The following SETD5 variants were observed in gnomAD, a reference collection of about 807,000 sequenced individuals.
SETD5 encodes histone-lysine N-methyltransferase SETD5.
Under a neutral mutation model 153.3 loss-of-function variants are expected in SETD5, and 44 were observed. The ratio of observed to expected loss-of-function variants is 0.29; its 90% CI spans 0.23 to 0.37. The LOEUF is 0.37. Ranked by LOEUF, SETD5 falls within the 10% of genes least tolerant of loss-of-function variation. The probability of loss-of-function intolerance (pLI) is 1.00; values close to 1 mark genes in which losing one functional copy is unlikely to be tolerated. For missense variants in SETD5, 1,544 were observed against 1,768.0 expected (o/e 0.87, Z 2.27); for synonymous variants, 716 against 645.2 (o/e 1.11, Z -1.66).
At chr3:9,470,375 C>G in intron 18 of SETD5, 84 bp from the exon 19 acceptor site, 1 of 978,966 alleles carries the variant, frequency 1.0e-6, no homozygotes, top group Non-Finnish European at 1.6e-6. Context: ...CCCTGTTCAC[C>G]TGTGTCCCTC....
At chr3:9,453,522 C>T (rs367693924) in intron 16 of SETD5, among the ~76,000 whole-genome samples, 6 of 152,122 alleles carry the variant, frequency 3.9e-5, no homozygotes, top group Middle Eastern at 3.2e-3. Flanking sequence ...GATGGGATCT[C>T]ATTATATGTA....
Position 9,440,786 on chromosome 3 carries a change from CCAAA to C in SETD5, c.810+89_810+92del, listed in dbSNP as rs1426221721. 2.1e-6 allele frequency: 3 copies of C among 1,455,254 alleles called. No homozygotes were observed. The East Asian group carries it at 7.3e-5, about 35-fold the overall frequency. 90.1% of individuals were successfully genotyped at this position (1,455,254 alleles called of 1,614,324 possible). On this transcript the variant is annotated intron_variant, in intron 8 of 22. Transcript: ENST00000402198. ...TAATGGATTGGAATTACTGTTCCTT[CCAAA>C]TGTACAAGGCCATGGAATAACAGAT...
chr3:9,398,093 C>T (rs1302058411), intron 1 of SETD5, 116 bp downstream of exon 1: 2 of 152,342 alleles, frequency 1.3e-5, no homozygotes, highest in African/African-American at 4.8e-5. Flanking sequence ...TGGCCCTCCC[C>T]AAGCTCTTAG....
Position 9,445,121 on chromosome 3 carries a change from A to G in SETD5, c.1261A>G (p.Thr421Ala), listed in dbSNP as rs775561026. ...CPIQKRNPNA[T>A]ELPLLPPPPS... is the part of the protein sequence containing the mutation. ...TATACAAAAAAGGAATCCTAATGCT[A>G]CAGAACTGCCACTCCTACCACCTCC... Residue 421 changes from threonine (T) to alanine (A), a missense_variant, in exon 12 of 23, where the codon ACA becomes GCA. Coordinates refer to ENST00000402198, the MANE Select transcript of SETD5 (RefSeq NM_001080517.3). 4 of 1,614,016 alleles carry G rather than the reference A, an allele frequency of 2.5e-6. No homozygotes were observed. Among genetic ancestry groups the G allele is most frequent in the African/African-American group, 1.3e-5 (1 of 75,060 alleles).
At chr3:9,462,243 C>T (rs1221744166) in intron 17 of SETD5, among the ~76,000 whole-genome samples, 2 of 152,158 alleles carry the variant, frequency 1.3e-5, no homozygotes, top group Admixed American at 6.5e-5. Flanking sequence ...AAATGTCACT[C>T]CTTCCATCCA....
At chr3:9,455,700 C>CA (rs747232887) in intron 17 of SETD5, among the ~76,000 whole-genome samples, 2 of 151,964 alleles carry the variant, frequency 1.3e-5, no homozygotes, top group Non-Finnish European at 2.9e-5. Context: ...AATAGACTAT[C>CA]ATGTTTGTGT....
intron 9 of SETD5, among the ~76,000 whole-genome samples, 167 bp downstream of exon 9, chr3:9,441,908 A>G (rs2041338868): frequency 6.6e-6 from 1 of 152,210 alleles, no homozygotes; most frequent in South Asian, 2.1e-4. Context: ...AAATCTTCAA[A>G]TTGTTCAATG....
rs914966303 is a variant in SETD5, at chr3:9,448,399, A to G, written c.2115A>G (p.Thr705=). ...KYPKTKKYLV[T]EWLNDKAEKQ... ...CTTTTTTACCTTAGTATCTAGTTAC[A>G]GAATGGTTGAATGACAAAGCAGAGA... Residue 705 remains threonine (T), a synonymous_variant, in exon 16 of 23, where the codon ACA becomes ACG. Transcript: ENST00000402198. The G allele has an allele frequency of 3.7e-6, 6 of 1,613,818 alleles. No homozygotes were observed. The African/African-American group carries it at 6.7e-5, about 18-fold the overall frequency.
At chr3:9,455,151 C>CCTTTTTTT (rs1290976457) in intron 17 of SETD5, among the ~76,000 whole-genome samples, 39 of 144,526 alleles carry the variant, frequency 2.7e-4, no homozygotes, top group African/African-American at 7.9e-4. Context: ...ACGTGAATTG[C>CCTTTTTTT]CTTTTTTTCT....
At chr3:9,468,432 C>T (rs2044887113) in intron 18 of SETD5, 1 of 1,202,478 alleles carries the variant, frequency 8.3e-7, no homozygotes, top group South Asian at 1.3e-5. Context: ...TTATGGCTAA[C>T]ATCTATGCTT....
intron 2 of SETD5, among the ~76,000 whole-genome samples, 192 bp from the exon 3 acceptor site, chr3:9,428,631 C>A (rs2039600813): frequency 6.6e-6 from 1 of 152,106 alleles, no homozygotes; most frequent in Non-Finnish European, 1.5e-5. Flanking sequence ...AACTTTTTGC[C>A]CCCTACTTTG....
chr3:9,447,426 G>A (rs1575468989), intron 14 of SETD5, 119 bp downstream of exon 14: 3 of 1,367,998 alleles, frequency 2.2e-6, no homozygotes, highest in South Asian at 1.4e-5. Context: ...AATAAATAAG[G>A]CCATTAACTG....
At chr3:9,466,551 C>G (rs955224341) in intron 18 of SETD5, among the ~76,000 whole-genome samples, 3 of 152,026 alleles carry the variant, frequency 2.0e-5, no homozygotes, top group African/African-American at 7.2e-5. Flanking sequence ...GTTTCACTTG[C>G]AATTTAAGGA....
chr3:9,399,299 TTTATA>T (rs1445426589), intron 1 of SETD5, among the ~76,000 whole-genome samples: 2 of 152,330 alleles, frequency 1.3e-5, no homozygotes. Flanking sequence ...GGTTGTTAAT[TTTATA>T]TTATTAATGT....
At chr3:9,407,348 A>G (rs1385797753) in intron 1 of SETD5, among the ~76,000 whole-genome samples, 1 of 152,110 alleles carries the variant, frequency 6.6e-6, no homozygotes, top group African/African-American at 2.4e-5. Context: ...AAAATAAAGA[A>G]GTTACTGTAG....
chr3:9,446,980 T>C, intron 13 of SETD5, 70 bp from the exon 14 acceptor site: 1 of 1,106,286 alleles, frequency 9.0e-7, no homozygotes, highest in Non-Finnish European at 1.3e-6. Context: ...CCATTAAAAA[T>C]ACTTTTATAA....
At chr3:9,407,311 G>C (rs2035857447) in intron 1 of SETD5, among the ~76,000 whole-genome samples, 1 of 152,152 alleles carries the variant, frequency 6.6e-6, no homozygotes. Context: ...CTGGGAGACA[G>C]AGCAAGACTG....
chr3:9,445,994 C>G (rs957293608), intron 13 of SETD5, among the ~76,000 whole-genome samples: 9 of 82,808 alleles, frequency 1.1e-4, no homozygotes, highest in Admixed American at 3.3e-4. Flanking sequence ...TTTTTACTAA[C>G]AATCTGGTTT....
intron 18 of SETD5, 98 bp from the exon 19 acceptor site, chr3:9,470,361 C>T (rs2045161878): frequency 1.1e-6 from 1 of 880,014 alleles, no homozygotes; most frequent in Admixed American, 2.2e-5. Context: ...TCCCTCTTAT[C>T]TTTCCCTGTT....
Sources: gnomAD v4.1 joint callset for allele counts (sites outside exome capture counted in the v4.1 genomes callset) on GRCh38, gnomAD v4.1.1 for gene constraint, MANE v1.5 for transcripts, NCBI Gene and HGNC (gene_info 2026-07-23, HGNC 2026-07-21) for gene names.